Variants in LRRC7 observed in about 807,000 individuals in gnomAD.
The protein encoded by LRRC7 is leucine rich repeat containing 7, also known as leucine-rich repeat-containing protein 7.
In LRRC7, 23 loss-of-function variants were observed where a neutral mutation model predicts 175.7. That is an observed-to-expected ratio of 0.13 (90% CI 0.09 to 0.19). The LOEUF is 0.19. Ranked by LOEUF, LRRC7 falls within the 10% of genes least tolerant of loss-of-function variation. The pLI is 1.00. For synonymous variants in LRRC7, 685 were observed against 680.9 expected (o/e 1.01, Z -0.09); for missense variants, 1,354 against 1,904.7 (o/e 0.71, Z 5.38).
chr1:69,666,535 C>T (rs888451657), intron 1 of LRRC7, among the ~76,000 whole-genome samples: 7 of 151,852 alleles, frequency 4.6e-5, no homozygotes, highest in Non-Finnish European at 8.8e-5. Context: ...CTTCATGGTT[C>T]GATCTTGGAA....
chr1:69,939,025 A>C (rs1011533261), intron 8 of LRRC7, among the ~76,000 whole-genome samples: 19 of 91,430 alleles, frequency 2.1e-4, no homozygotes, highest in Middle Eastern at 5.3e-3. Context: ...CTATATATAT[A>C]TATATCTATA....
At chr1:69,775,763 G>T (rs1422294388) in intron 3 of LRRC7, among the ~76,000 whole-genome samples, 1 of 152,096 alleles carries the variant, frequency 6.6e-6, no homozygotes, top group East Asian at 1.9e-4. Context: ...AATCAAATGC[G>T]AAATTCATCT....
intron 7 of LRRC7, among the ~76,000 whole-genome samples, chr1:69,893,362 T>C (rs1182603982): frequency 6.6e-6 from 1 of 152,224 alleles, no homozygotes; most frequent in Non-Finnish European, 1.5e-5. Context: ...CATGAAACAA[T>C]GCTTTCAAAA....
rs1646861363 is a variant in LRRC7, at chr1:69,596,709, T to A, written c.2+28068T>A. On this transcript the variant is annotated intron_variant, in intron 1 of 26. Coordinates refer to ENST00000651989, the MANE Select transcript of LRRC7 (RefSeq NM_001370785.2). ...AAATCACTTGTCTTCTCCTTTAGAA[T>A]TAAAACTTACTTTTAAACATTTCCT... 2.0e-5 allele frequency among the ~76,000 whole-genome samples: 3 copies of A among 152,232 alleles called. No homozygotes were observed. In the South Asian group the frequency reaches 6.2e-4, roughly 31 times the overall value.
At chr1:69,832,384 A>T (rs1292698011) in intron 5 of LRRC7, among the ~76,000 whole-genome samples, 2 of 152,168 alleles carry the variant, frequency 1.3e-5, no homozygotes, top group African/African-American at 4.8e-5. Context: ...CAGGAAGGAA[A>T]GGGGCAGGCA....
chr1:69,663,760 G>C (rs1657858195), intron 1 of LRRC7, among the ~76,000 whole-genome samples: 1 of 130,572 alleles, frequency 7.7e-6, no homozygotes, highest in Non-Finnish European at 1.5e-5. Flanking sequence ...TGTCGCCCAG[G>C]CCGGACTGCC....
intron 2 of LRRC7, among the ~76,000 whole-genome samples, chr1:69,732,054 G>C (rs757514080): frequency 6.6e-6 from 1 of 151,870 alleles, no homozygotes; most frequent in Non-Finnish European, 1.5e-5. Flanking sequence ...GATTATTTGA[G>C]CCATTCAGTG....
chr1:70,064,669 G>A (rs1386152845), intron 23 of LRRC7, among the ~76,000 whole-genome samples: 1 of 151,216 alleles, frequency 6.6e-6, no homozygotes, highest in Non-Finnish European at 1.5e-5. Context: ...TGTTGTTGTT[G>A]TTACATTTTC....
chr1:69,744,502 A>G (rs889480895), intron 2 of LRRC7, among the ~76,000 whole-genome samples: 7 of 151,870 alleles, frequency 4.6e-5, no homozygotes, highest in Non-Finnish European at 7.4e-5. Flanking sequence ...TTTGTTCTCC[A>G]TATATCTAGA....
At chr1:69,873,558 G>A (rs1685764724) in intron 7 of LRRC7, 1 of 517,658 alleles carries the variant, frequency 1.9e-6, no homozygotes, top group African/African-American at 1.9e-5. Context: ...CAGCTTTTCG[G>A]GCACCAGAAA....
chr1:69,568,693 GCGGCGAC>G, intron 1 of LRRC7, 52 bp downstream of exon 1: 1 of 1,303,728 alleles, frequency 7.7e-7, no homozygotes, highest in Non-Finnish European at 1.0e-6. Context: ...GGGCCCGGCC[GCGGCGAC>G]CGTAGGCGCG....
intron 3 of LRRC7, among the ~76,000 whole-genome samples, chr1:69,781,446 TC>T (rs1265126427): frequency 6.6e-6 from 1 of 151,514 alleles, no homozygotes; most frequent in Non-Finnish European, 1.5e-5. Context: ...CTTTGGGAGA[TC>T]GAGGCAGGCA....
chr1:70,036,519 A>G lies in LRRC7; in HGVS notation c.2183A>G (p.Tyr728Cys), dbSNP rs758949633. The G allele has an allele frequency of 1.2e-6, 2 of 1,613,706 alleles. No individual in the cohort carries two copies. Among genetic ancestry groups the G allele is most frequent in the East Asian group, 2.2e-5 (1 of 44,840 alleles). ...GTTTCCTCAGGCACTTACTCAGACT[A>G]CTCGCCTTCCCAGGCTTCCTCAGGA... ...NSVSSGTYSD[Y>C]SPSQASSGSS... The change falls in exon 20 of 27, where the codon TAC becomes TGC. Residue 728 changes from tyrosine to cysteine, a missense_variant. Transcript: ENST00000651989.
intron 3 of LRRC7, among the ~76,000 whole-genome samples, chr1:69,778,524 C>T (rs1423098141): frequency 6.6e-6 from 1 of 152,070 alleles, no homozygotes; most frequent in Non-Finnish European, 1.5e-5. Flanking sequence ...GAGAGACAAC[C>T]AATCCTGCTT....
intron 1 of LRRC7, among the ~76,000 whole-genome samples, chr1:69,626,125 G>C (rs1651481837): frequency 6.6e-6 from 1 of 152,102 alleles, no homozygotes. Context: ...ATTCTGAGAT[G>C]GATTTCAGTC....
At chr1:69,575,766 T>G (rs1000522328) in intron 1 of LRRC7, among the ~76,000 whole-genome samples, 1 of 152,158 alleles carries the variant, frequency 6.6e-6, no homozygotes, top group African/African-American at 2.4e-5. Context: ...TTTGCTAATT[T>G]TATTAGGGGT....
chr1:70,112,020 T>C (rs1305716026), intron 26 of LRRC7, among the ~76,000 whole-genome samples: 1 of 152,176 alleles, frequency 6.6e-6, no homozygotes, highest in Non-Finnish European at 1.5e-5. Context: ...GAATTTGCAA[T>C]CCAAACATAC....
intron 1 of LRRC7, among the ~76,000 whole-genome samples, chr1:69,632,343 G>C (rs1652645860): frequency 1.3e-5 from 2 of 152,126 alleles, no homozygotes; most frequent in African/African-American, 4.8e-5. Flanking sequence ...CACAATACTT[G>C]CACTGTGATA....
chr1:69,591,083 AAATT>A (rs1482848391), intron 1 of LRRC7, among the ~76,000 whole-genome samples: 2 of 152,100 alleles, frequency 1.3e-5, no homozygotes, highest in African/African-American at 4.8e-5. Flanking sequence ...GAAATTGGAA[AAATT>A]AATTCTAAAA....
Sources: allele counts gnomAD v4.1 joint callset (sites outside exome capture counted in the v4.1 genomes callset), GRCh38; gene constraint gnomAD v4.1.1; transcripts MANE v1.5; gene names NCBI Gene and HGNC (gene_info 2026-07-23, HGNC 2026-07-21).